Variants in RAB12 observed in about 807,000 individuals in gnomAD.
The protein encoded by RAB12 is ras-related protein Rab-12.
Under a neutral mutation model 28.4 loss-of-function variants are expected in RAB12, and 11 were observed. The ratio of observed to expected loss-of-function variants is 0.39; its 90% CI spans 0.24 to 0.64. The LOEUF is 0.64. RAB12 is among the 30% of genes least tolerant of loss of function. The pLI is 0.50. For synonymous variants in RAB12, 138 were observed against 145.3 expected, an observed-to-expected ratio of 0.95 and a Z score of 0.36; for missense variants, 276 against 351.1, an observed-to-expected ratio of 0.79 and a Z score of 1.71.
rs187019056 is a variant in RAB12, at chr18:8,623,052, C to T, written c.515-1886C>T. Among the ~76,000 whole-genome samples the T allele has an allele frequency of 2.8e-3, 432 of 152,232 alleles. 1 individual carries two copies. The highest frequency in any genetic ancestry group is 9.6e-3 in the African/African-American group (398 of 41,512). ...GCCCAGATTTCATGTTGTTTAAACA[C>T]ACATGCTCTACAATTTGTGCAGTTA... On this transcript the variant is annotated intron_variant, in intron 1 of 5. Coordinates refer to ENST00000649141, the MANE Select transcript of RAB12 (RefSeq NM_001025300.3).
intron 2 of RAB12, among the ~76,000 whole-genome samples, chr18:8,625,655 C>T (rs188005004): frequency 4.2e-4 from 64 of 152,308 alleles, no homozygotes; most frequent in Admixed American, 2.7e-3. Flanking sequence ...CAGGTGCTAG[C>T]GACCTGTCTG....
intron 2 of RAB12, among the ~76,000 whole-genome samples, chr18:8,628,604 G>A (rs1373070620): frequency 1.3e-5 from 2 of 152,116 alleles, no homozygotes; most frequent in Non-Finnish European, 2.9e-5. Context: ...GCGTTAGGAC[G>A]ATTGCCTCAG....
In RAB12 at chr18:8,638,168, G is replaced by A; in HGVS notation, c.929G>A (p.Arg310Lys). 2.5e-6 allele frequency: 4 copies of A among 1,613,238 alleles called. No individual in the cohort carries two copies. Among genetic ancestry groups the A allele is most frequent in the Non-Finnish European group, 3.4e-6 (4 of 1,179,348 alleles). Residue 310 changes from arginine (R) to lysine (K), a missense_variant, in exon 6 of 6, where the codon AGG becomes AAG. Coordinates refer to ENST00000649141, the MANE Select transcript of RAB12 (RefSeq NM_001025300.3). Reference sequence around the variant, plus strand: ...CGTTAGATGCCTCTGGATATTTTAAGGAATGAGTTGTCCAATAGTATCCTG... The same window carrying A: ...CGTTAGATGCCTCTGGATATTTTAAAGAATGAGTTGTCCAATAGTATCCTG... ...ILKKMPLDILRNELSNSILSL... is the reference protein window; with the variant it reads ...ILKKMPLDILKNELSNSILSL...
intron 1 of RAB12, among the ~76,000 whole-genome samples, chr18:8,612,290 A>G (rs2096004269): frequency 6.6e-6 from 1 of 152,204 alleles, no homozygotes; most frequent in Non-Finnish European, 1.5e-5. Context: ...ATGTTTGAAG[A>G]TAAGTTTGTT....
chr18:8,639,180 TTTTTTTTTTTTTG>T lies in RAB12; in HGVS notation c.*919_*931del. ...TTTTTTTTTTTTTTTTTTTTTTTTT[TTTTTTTTTTTTTG>T]GTCTGATGATGAATTTGTGAACTCT... On this transcript the variant is annotated 3_prime_UTR_variant, in exon 6 of 6. Transcript: ENST00000649141. 1 of 131,550 alleles carries T rather than the reference TTTTTTTTTTTTTG, an allele frequency of 7.6e-6. No homozygotes were observed. The highest frequency in any genetic ancestry group is 2.9e-5 in the African/African-American group (1 of 34,554). 8.1% of individuals were successfully genotyped at this position (131,550 alleles called of 1,614,324 possible).
chr18:8,628,607 T>A (rs576665715), intron 2 of RAB12, among the ~76,000 whole-genome samples: 2 of 152,326 alleles, frequency 1.3e-5, no homozygotes, highest in South Asian at 2.1e-4. Flanking sequence ...TTAGGACGAT[T>A]GCCTCAGGTT....
At chr18:8,631,141 C>G (rs988099063) in intron 2 of RAB12, among the ~76,000 whole-genome samples, 1 of 152,202 alleles carries the variant, frequency 6.6e-6, no homozygotes, top group African/African-American at 2.4e-5. Flanking sequence ...TTGCCCACCT[C>G]AGCTTCACAA....
chr18:8,636,982 G>C (rs1004322630), intron 5 of RAB12, among the ~76,000 whole-genome samples: 1 of 152,144 alleles, frequency 6.6e-6, no homozygotes, highest in East Asian at 1.9e-4. Context: ...TAATTGTTTA[G>C]GCTGGGTGTG....
At chr18:8,614,132 G>T (rs796938377) in intron 1 of RAB12, among the ~76,000 whole-genome samples, 4 of 152,270 alleles carry the variant, frequency 2.6e-5, no homozygotes, top group African/African-American at 9.6e-5. Context: ...CACACATAAA[G>T]GTCAGACATG....
Position 8,638,380 on chromosome 18 carries a change from T to C in RAB12, c.*118T>C. On this transcript the variant is annotated 3_prime_UTR_variant, in exon 6 of 6. Coordinates refer to ENST00000649141, the MANE Select transcript of RAB12 (RefSeq NM_001025300.3). ...CACTTTGTAATCCAAGTCAGAGCTA[T>C]ACACTAACTTGTAAATATGCATATA... The C allele has an allele frequency of 2.9e-6, 2 of 689,184 alleles. No individual in the cohort carries two copies. Among genetic ancestry groups the C allele is most frequent in the South Asian group, 3.6e-5 (2 of 56,130 alleles). The allele number at this position is 689,184 out of a possible 1,614,324, so 42.7% of individuals were successfully genotyped here. A position where few individuals can be genotyped will look rare whatever the true frequency, so the allele number is the denominator to read the frequency against.
chr18:8,610,402 C>T (rs1386180569), intron 1 of RAB12, among the ~76,000 whole-genome samples: 3 of 152,254 alleles, frequency 2.0e-5, no homozygotes, highest in African/African-American at 7.2e-5. Flanking sequence ...ATTTTGAACC[C>T]ATTTTCAAGA....
chr18:8,610,591 A>G (rs2096003236), intron 1 of RAB12, among the ~76,000 whole-genome samples: 1 of 152,216 alleles, frequency 6.6e-6, no homozygotes. Flanking sequence ...GGTGAGGGAC[A>G]GGAGTGAAGT....
At chr18:8,618,640 G>C (rs1422435765) in intron 1 of RAB12, among the ~76,000 whole-genome samples, 1 of 152,024 alleles carries the variant, frequency 6.6e-6, no homozygotes, top group Non-Finnish European at 1.5e-5. Context: ...CTCCCGAGCA[G>C]CTGGGACCAC....
At chr18:8,633,102 G>A in intron 2 of RAB12, 87 bp from the exon 3 acceptor site, 1 of 1,526,362 alleles carries the variant, frequency 6.6e-7, no homozygotes, top group East Asian at 2.3e-5. Flanking sequence ...CAGAAAAACT[G>A]CAGCATATAA....
In RAB12 at chr18:8,638,251, C is replaced by G. The variant is rs2096020087; in HGVS notation, c.1012C>G (p.Arg338Gly). 1 of 1,611,294 alleles carries G rather than the reference C, an allele frequency of 6.2e-7. No homozygotes were observed. The highest frequency in any genetic ancestry group is 1.1e-5 in the South Asian group (1 of 90,960). Residue 338 changes from arginine (R) to glycine (G), a missense_variant, in exon 6 of 6, where the codon CGA becomes GGA. Around this residue, in one of 4 missense-constraint regions of RAB12, gnomAD observed 127 missense variants for 161.4 expected, o/e 0.79. Coordinates refer to ENST00000649141, the MANE Select transcript of RAB12 (RefSeq NM_001025300.3). ...PELPPPRPHV[R>G]CC ...ACTGCCTCCACCAAGACCACATGTC[C>G]GATGCTGTTGATTTCCTACTTTGGA... is the stretch of plus-strand genomic sequence containing the variant.
intron 1 of RAB12, among the ~76,000 whole-genome samples, chr18:8,616,271 A>T (rs774673969): frequency 1.3e-5 from 2 of 151,958 alleles, no homozygotes; most frequent in Admixed American, 6.6e-5. Flanking sequence ...TGAGGAAGAC[A>T]TTTATCATCC....
chr18:8,615,885 C>T (rs1480655968), intron 1 of RAB12, among the ~76,000 whole-genome samples: 1 of 152,128 alleles, frequency 6.6e-6, no homozygotes, highest in Non-Finnish European at 1.5e-5. Context: ...TGACAGAGAT[C>T]CAGATTCTTA....
At chr18:8,615,297 C>T (rs2148706327) in intron 1 of RAB12, among the ~76,000 whole-genome samples, 1 of 152,332 alleles carries the variant, frequency 6.6e-6, no homozygotes, top group African/African-American at 2.4e-5. Context: ...TGGAAATTGA[C>T]TACTTGTACT....
rs745429552 is a variant in RAB12, at chr18:8,618,511, CT to C, written c.515-6415del. ...CAGTGAGTTTGCATCCCCTTTTCCT[CT>C]TTTTTTTTTTTCTTTGAGACAGAGC... On this transcript the variant is annotated intron_variant, in intron 1 of 5. Coordinates refer to ENST00000649141, the MANE Select transcript of RAB12 (RefSeq NM_001025300.3). Among the ~76,000 whole-genome samples, 638 of 145,450 alleles carry C rather than the reference CT, an allele frequency of 4.4e-3. 16 individuals carry two copies. The highest frequency in any genetic ancestry group is 0.032 in the Admixed American group (464 of 14,632).
Sources: allele counts gnomAD v4.1 joint callset (sites outside exome capture counted in the v4.1 genomes callset), GRCh38; gene constraint gnomAD v4.1.1; regional missense constraint gnomAD v4.1.1; transcripts MANE v1.5; gene names NCBI Gene and HGNC (gene_info 2026-07-23, HGNC 2026-07-21).